ZNF638: variants seen among roughly 807,000 people sequenced by gnomAD.
The protein encoded by ZNF638 is zinc finger protein 638.
Under a neutral mutation model 195.6 loss-of-function variants are expected in ZNF638, and 46 were observed. The observed-to-expected ratio is 0.24, with a 90% confidence interval of 0.19 to 0.30. The LOEUF (loss-of-function observed/expected upper bound fraction) is 0.30, where lower values mean the gene tolerates loss of function less well. Ranked by LOEUF, ZNF638 falls within the 10% of genes least tolerant of loss-of-function variation. The pLI is 1.00. For missense variants in ZNF638, 2,440 were observed against 2,325.3 expected (o/e 1.05, Z -1.01); for synonymous variants, 845 against 772.0 (o/e 1.09, Z -1.57).
chr2:71,433,551 T>A (rs2080708951), intron 27 of ZNF638: 1 of 309,808 alleles, frequency 3.2e-6, no homozygotes, highest in African/African-American at 2.2e-5. Flanking sequence ...AAACTGCATG[T>A]TTTGATGCCC....
chr2:71,359,652 T>C (rs1382729085), intron 3 of ZNF638, among the ~76,000 whole-genome samples: 1 of 152,258 alleles, frequency 6.6e-6, no homozygotes, highest in African/African-American at 2.4e-5. Flanking sequence ...ACATTCAGGT[T>C]GTATGCACTT....
At chr2:71,373,437 A>AT (rs754117239) in intron 8 of ZNF638, among the ~76,000 whole-genome samples, 11,644 of 71,296 alleles carry the variant, frequency 0.16, 2,601 homozygotes, top group African/African-American at 0.28. Context: ...TCAAGTTTGA[A>AT]TTTTTTTTTT....
chr2:71,432,181 G>A (rs1013343323), intron 26 of ZNF638, among the ~76,000 whole-genome samples: 1 of 152,032 alleles, frequency 6.6e-6, no homozygotes, highest in African/African-American at 2.4e-5. Context: ...TATTTTAATG[G>A]GATTCCTAAG....
chr2:71,382,870 C>T (rs1043156340), intron 10 of ZNF638, among the ~76,000 whole-genome samples: 1 of 152,112 alleles, frequency 6.6e-6, no homozygotes, highest in Non-Finnish European at 1.5e-5. Flanking sequence ...GTAAAAATGA[C>T]TTATTAAGTA....
intron 7 of ZNF638, among the ~76,000 whole-genome samples, 199 bp from the exon 8 acceptor site, chr2:71,369,684 G>T (rs1385648515): frequency 6.6e-6 from 1 of 152,004 alleles, no homozygotes; most frequent in African/African-American, 2.4e-5. Context: ...TAGAAATTAT[G>T]TAAGGTTAAA....
Position 71,408,153 on chromosome 2 carries a change from C to T in ZNF638, c.3167C>T (p.Ala1056Val). ...CTTCAGTTAGATAGTCCTGAATCTG[C>T]TCAGTCAATGTATAGCTTTCTGAAA... ...AILQLDSPES[A>V]QSMYSFLKQN... Residue 1056 changes from alanine to valine, a missense_variant, in exon 20 of 28, where the codon GCT becomes GTT. Physicochemically the swap from Ala to Val is moderately conservative, Grantham distance 64 (BLOSUM62 0). Transcript: ENST00000264447. 2 of 1,612,860 alleles carry T rather than the reference C, an allele frequency of 1.2e-6. No homozygotes were observed. Among genetic ancestry groups the T allele is most frequent in the East Asian group, 2.2e-5 (1 of 44,724 alleles).
In ZNF638 at chr2:71,423,717, T is replaced by A; in HGVS notation, c.4203T>A (p.Ser1401=). The A allele has an allele frequency of 1.9e-6, 3 of 1,613,880 alleles. No individual in the cohort carries two copies. The highest frequency in any genetic ancestry group is 2.5e-6 in the Non-Finnish European group (3 of 1,180,022). The change falls in exon 22 of 28, where the codon TCT becomes TCA. Residue 1401 remains serine (S), a synonymous_variant. Coordinates refer to ENST00000264447, the MANE Select transcript of ZNF638 (RefSeq NM_014497.5). Reference sequence around the variant, plus strand: ...GCATCAAGGCTGTTATAGTCTCTTCTCCTAAGGCAAAAGCTACAGTTTCAA... The same window carrying A: ...GCATCAAGGCTGTTATAGTCTCTTCACCTAAGGCAAAAGCTACAGTTTCAA... The part of the protein sequence containing the change: ...KPSIKAVIVS[S]PKAKATVSKT...
chr2:71,404,788 C>T (rs2080072837), intron 17 of ZNF638, among the ~76,000 whole-genome samples: 1 of 152,124 alleles, frequency 6.6e-6, no homozygotes, highest in Admixed American at 6.6e-5. Context: ...TACACGCTAC[C>T]TTCAGTTTTA....
chr2:71,376,208 G>T (rs1265099013), intron 8 of ZNF638: 1 of 152,194 alleles, frequency 6.6e-6, no homozygotes, highest in African/African-American at 2.4e-5. Flanking sequence ...TAGAAAACAT[G>T]CCATTTTCAT....
intron 21 of ZNF638, among the ~76,000 whole-genome samples, chr2:71,421,365 TAA>T (rs61017341): frequency 2.9e-5 from 4 of 139,758 alleles, no homozygotes; most frequent in Admixed American, 7.0e-5. Flanking sequence ...GTGATTATTT[TAA>T]AAAAAAAACA....
chr2:71,345,177 A>G lies in ZNF638; in HGVS notation c.-202-3576A>G, dbSNP rs143467827. Reference sequence around the variant, plus strand: ...GCTGATTTATAAATTAAATGTTATCACAGGTATGGATATATAGGAAAAAAC... The same window carrying G: ...GCTGATTTATAAATTAAATGTTATCGCAGGTATGGATATATAGGAAAAAAC... On this transcript the variant is annotated intron_variant, in intron 1 of 27. Coordinates refer to ENST00000264447, the MANE Select transcript of ZNF638 (RefSeq NM_014497.5). 3.1e-3 allele frequency among the ~76,000 whole-genome samples: 479 copies of G among 152,318 alleles called. 2 individuals carry two copies. The highest frequency in any genetic ancestry group is 0.011 in the African/African-American group (458 of 41,568).
chr2:71,358,967 A>G (rs950792403), intron 3 of ZNF638, among the ~76,000 whole-genome samples: 1 of 152,170 alleles, frequency 6.6e-6, no homozygotes, highest in Non-Finnish European at 1.5e-5. Flanking sequence ...GTACTTTTTA[A>G]TTAATACATG....
At chr2:71,433,106 T>C in intron 26 of ZNF638, 59 bp from the exon 27 acceptor site, 1 of 1,269,724 alleles carries the variant, frequency 7.9e-7, no homozygotes, top group Non-Finnish European at 1.1e-6. Flanking sequence ...AATAAATCGA[T>C]GAACACAACT....
chr2:71,347,040 AAAG>A (rs1371313048), intron 1 of ZNF638, among the ~76,000 whole-genome samples: 1 of 138,526 alleles, frequency 7.2e-6, no homozygotes, highest in Non-Finnish European at 1.5e-5. Context: ...AAGAAAAAAA[AAAG>A]AAAGATTATT....
intron 10 of ZNF638, among the ~76,000 whole-genome samples, chr2:71,384,674 TC>T (rs2079602534): frequency 6.7e-6 from 1 of 150,048 alleles, no homozygotes; most frequent in Non-Finnish European, 1.5e-5. Context: ...TGATGAAACT[TC>T]CTTGATCGAA....
chr2:71,345,228 T>C (rs919460898), intron 1 of ZNF638, among the ~76,000 whole-genome samples: 2 of 152,216 alleles, frequency 1.3e-5, no homozygotes, highest in African/African-American at 4.8e-5. Flanking sequence ...TTTAGTACCA[T>C]CTATGGTTTC....
chr2:71,431,899 G>A (rs1318396170), intron 26 of ZNF638, among the ~76,000 whole-genome samples: 1 of 152,184 alleles, frequency 6.6e-6, no homozygotes, highest in African/African-American at 2.4e-5. Context: ...CAGCTTACTG[G>A]GCTGTTTTTA....
Position 71,349,360 on chromosome 2 carries a change from A to G in ZNF638, c.406A>G (p.Thr136Ala). The G allele has an allele frequency of 1.9e-6, 3 of 1,614,198 alleles. No individual in the cohort carries two copies. Among genetic ancestry groups the G allele is most frequent in the Non-Finnish European group, 2.5e-6 (3 of 1,180,044 alleles). Residue 136 changes from threonine (T) to alanine (A), a missense_variant, in exon 2 of 28, where the codon ACA (threonine) becomes GCA (alanine). Transcript: ENST00000264447. ...GAGTCCCAAAGTACAGAGCCGCTATACAAAAGAGAGTGCCTCAAGTATCTT... is the reference window on the plus strand; with the variant it reads ...GAGTCCCAAAGTACAGAGCCGCTATGCAAAAGAGAGTGCCTCAAGTATCTT... ...EQSPKVQSRYTKESASSILAS... is the reference protein window; with the variant it reads ...EQSPKVQSRYAKESASSILAS...
At chr2:71,362,360 C>T (rs77360228) in intron 3 of ZNF638, among the ~76,000 whole-genome samples, 2,433 of 152,200 alleles carry the variant, frequency 0.016, 69 homozygotes, top group African/African-American at 0.055. Context: ...TCATCTTTTC[C>T]CCTAATTCCA....
Sources: gnomAD v4.1 joint callset for allele counts (sites outside exome capture counted in the v4.1 genomes callset) on GRCh38, gnomAD v4.1.1 for gene constraint, MANE v1.5 for transcripts, NCBI Gene and HGNC (gene_info 2026-07-23, HGNC 2026-07-21) for gene names.